Variants in MPDZ observed in about 807,000 individuals in gnomAD.
MPDZ encodes multiple PDZ domain protein.
Under a neutral mutation model 239.1 loss-of-function variants are expected in MPDZ, and 234 were observed. The observed-to-expected ratio is 0.98, with a 90% confidence interval of 0.88 to 1.09. MPDZ has a LOEUF of 1.09. MPDZ is among the 50% of genes least tolerant of loss of function. MPDZ has a pLI of 0.00. For synonymous variants in MPDZ, 1,048 were observed against 881.3 expected (o/e 1.19, Z -3.35); for missense variants, 3,175 against 2,510.0 (o/e 1.26, Z -5.66).
At position 13,224,511 on chromosome 9, in the gene MPDZ, G is replaced by C; in HGVS notation, c.256C>G (p.Pro86Ala). The C allele has an allele frequency of 6.2e-7, 1 of 1,612,796 alleles. No individual in the cohort carries two copies. Among genetic ancestry groups the C allele is most frequent in the Non-Finnish European group, 8.5e-7 (1 of 1,179,228 alleles). ...HVPHLSPAVI[P>A]TLQNESFLLS... Reference sequence around the variant, plus strand: ...AAAAACGATTCATTTTGCAGAGTAGGAATCACAGCTGGGCTGAGATGAGGA... The same window carrying C: ...AAAAACGATTCATTTTGCAGAGTAGCAATCACAGCTGGGCTGAGATGAGGA... Residue 86 changes from proline to alanine, a missense_variant, in exon 4 of 47, where the codon CCT (proline) becomes GCT (alanine). By Grantham distance (27) the Pro-to-Ala change is conservative (BLOSUM62 -1). Coordinates refer to ENST00000319217, the MANE Select transcript of MPDZ (RefSeq NM_001378778.1).
intron 21 of MPDZ, among the ~76,000 whole-genome samples, chr9:13,175,322 T>C: frequency 6.6e-6 from 1 of 152,226 alleles, no homozygotes. Context: ...GTTGTCTTTT[T>C]AGTCTTTCTT....
intron 27 of MPDZ, among the ~76,000 whole-genome samples, chr9:13,141,800 G>A (rs1347027431): frequency 1.3e-5 from 2 of 152,136 alleles, no homozygotes; most frequent in Non-Finnish European, 2.9e-5. Context: ...CTGACTGATA[G>A]AGATTTAAGG....
At chr9:13,262,183 C>T (rs1970831907) in intron 1 of MPDZ, among the ~76,000 whole-genome samples, 1 of 152,088 alleles carries the variant, frequency 6.6e-6, no homozygotes, top group Non-Finnish European at 1.5e-5. Flanking sequence ...TGCATTCAGG[C>T]CAGCCACAGT....
intron 21 of MPDZ, among the ~76,000 whole-genome samples, chr9:13,172,253 T>C (rs1422760634): frequency 6.6e-6 from 1 of 152,120 alleles, no homozygotes; most frequent in Non-Finnish European, 1.5e-5. Context: ...TATAAACATA[T>C]TGGGCATAGC....
intron 8 of MPDZ, 104 bp from the exon 9 acceptor site, chr9:13,217,398 G>C: frequency 1.4e-6 from 1 of 719,576 alleles, no homozygotes; most frequent in Non-Finnish European, 2.3e-6. Context: ...AAAGCCACAG[G>C]CCTACTTTAA....
chr9:13,151,659 G>C (rs1241475101), intron 24 of MPDZ, among the ~76,000 whole-genome samples: 1 of 152,000 alleles, frequency 6.6e-6, no homozygotes, highest in Non-Finnish European at 1.5e-5. Flanking sequence ...GGGAGTTATT[G>C]CTTAATGGGT....
At chr9:13,181,763 G>C (rs1045181612) in intron 19 of MPDZ, among the ~76,000 whole-genome samples, 5 of 152,156 alleles carry the variant, frequency 3.3e-5, no homozygotes, top group African/African-American at 1.2e-4. Flanking sequence ...TGCAGATTGT[G>C]TAATCCCTTT....
rs1226280644 is a variant in MPDZ, at chr9:13,183,948, A to T, written c.2482-363T>A. Among the ~76,000 whole-genome samples the T allele has an allele frequency of 2.6e-5, 4 of 152,036 alleles. No homozygotes were observed. The South Asian group carries it at 6.2e-4, about 24-fold the overall frequency. ...AATTTTATAATAAAATTGTGTCATA[A>T]TTTTTCCTAGTCAACTAAAATAAAC... is the stretch of plus-strand genomic sequence containing the variant. On this transcript the variant is annotated intron_variant, in intron 18 of 46. Coordinates refer to ENST00000319217, the MANE Select transcript of MPDZ (RefSeq NM_001378778.1).
At chr9:13,213,652 T>A (rs1240432023) in intron 10 of MPDZ, among the ~76,000 whole-genome samples, 1 of 152,076 alleles carries the variant, frequency 6.6e-6, no homozygotes, top group Non-Finnish European at 1.5e-5. Context: ...TGCTAAAAAT[T>A]AAAAATCAGA....
intron 21 of MPDZ, 125 bp from the exon 22 acceptor site, chr9:13,168,689 G>T: frequency 1.3e-6 from 1 of 769,170 alleles, no homozygotes; most frequent in African/African-American, 1.8e-5. Flanking sequence ...TCAATAAAAA[G>T]CATAGCAAAA....
chr9:13,255,745 G>A (rs1018461367), intron 1 of MPDZ, among the ~76,000 whole-genome samples: 2 of 152,160 alleles, frequency 1.3e-5, no homozygotes, highest in African/African-American at 4.8e-5. Context: ...ATAAACCGAT[G>A]TGCTGTTATC....
At chr9:13,115,147 C>A in intron 40 of MPDZ, 101 bp downstream of exon 40, 5 of 947,044 alleles carry the variant, frequency 5.3e-6, no homozygotes, top group Admixed American at 2.1e-5. Flanking sequence ...TCCCACGCTG[C>A]CAGGGGACCA....
chr9:13,125,183 T>A (rs762598408), intron 35 of MPDZ, 33 bp downstream of exon 35: 3 of 1,495,404 alleles, frequency 2.0e-6, no homozygotes, highest in Middle Eastern at 2.4e-4. Flanking sequence ...GTGTTCCATA[T>A]GTGCAGGACT....
At chr9:13,257,711 T>C (rs553853265) in intron 1 of MPDZ, among the ~76,000 whole-genome samples, 246 of 152,288 alleles carry the variant, frequency 1.6e-3, no homozygotes, top group African/African-American at 5.7e-3. Context: ...TGCATTACTT[T>C]TGTGTTTATC....
chr9:13,249,244 C>A (rs1002399360), intron 2 of MPDZ, among the ~76,000 whole-genome samples: 5 of 151,964 alleles, frequency 3.3e-5, no homozygotes, highest in African/African-American at 1.2e-4. Flanking sequence ...TCACAGGATA[C>A]AAATCTAATA....
intron 46 of MPDZ, among the ~76,000 whole-genome samples, chr9:13,108,709 T>G (rs1941905716): frequency 6.6e-6 from 1 of 152,140 alleles, no homozygotes. Context: ...ATGTATATTG[T>G]TGAGTTTCCA....
At chr9:13,228,081 T>C (rs1386555763) in intron 3 of MPDZ, among the ~76,000 whole-genome samples, 1 of 152,158 alleles carries the variant, frequency 6.6e-6, no homozygotes, top group Non-Finnish European at 1.5e-5. Flanking sequence ...TTGATTCTCA[T>C]CCTTGGTTTA....
chr9:13,183,496 G>A lies in MPDZ; in HGVS notation c.2571C>T (p.Ala857=). ...AACTGCCATGAAGAGATAAAATAGA[G>A]GCTTGAGTAGAGTAGATGCTGTCAT... ...PENDSIYSTQ[A]SILSLHGSSC... The change falls in exon 19 of 47, where the codon GCC becomes GCT. Residue 857 remains alanine, a synonymous_variant. Transcript: ENST00000319217. 1 of 1,612,328 alleles carries A rather than the reference G, an allele frequency of 6.2e-7. No homozygotes were observed. The highest frequency in any genetic ancestry group is 2.2e-5 in the East Asian group (1 of 44,704).
intron 3 of MPDZ, among the ~76,000 whole-genome samples, chr9:13,235,834 G>C (rs1963800614): frequency 6.6e-6 from 1 of 151,980 alleles, no homozygotes; most frequent in South Asian, 2.1e-4. Flanking sequence ...AAGACAGAAA[G>C]CAAAGAACAC....
Sources: gnomAD v4.1 joint callset for allele counts (sites outside exome capture counted in the v4.1 genomes callset) on GRCh38, gnomAD v4.1.1 for gene constraint, MANE v1.5 for transcripts, NCBI Gene and HGNC (gene_info 2026-07-23, HGNC 2026-07-21) for gene names.